The following NECAB2 variants were observed in gnomAD, a reference collection of about 807,000 sequenced individuals.
The protein encoded by NECAB2 is N-terminal EF-hand calcium binding protein 2, also known as N-terminal EF-hand calcium-binding protein 2.
A neutral mutation model predicts 51.9 loss-of-function variants in NECAB2; 68 were observed. The ratio of observed to expected loss-of-function variants is 1.31; its 90% CI spans 1.08 to 1.60. The LOEUF (loss-of-function observed/expected upper bound fraction) is 1.60, where lower values mean the gene tolerates loss of function less well. NECAB2 is among the 40% of genes most tolerant of loss of function. The probability of loss-of-function intolerance (pLI) is 0.00; values close to 1 mark genes in which losing one functional copy is unlikely to be tolerated. For missense variants in NECAB2, 854 were observed against 490.3 expected, an observed-to-expected ratio of 1.74 and a Z score of -7.00; for synonymous variants, 329 against 203.5, an observed-to-expected ratio of 1.62 and a Z score of -5.25.
chr16:83,997,629 A>G (rs984147662), intron 9 of NECAB2, among the ~76,000 whole-genome samples: 1 of 151,784 alleles, frequency 6.6e-6, no homozygotes, highest in Non-Finnish European at 1.5e-5. Context: ...CTGGGATTAC[A>G]GGTGTGTGCC....
At chr16:84,000,917 C>G (rs1243741417) in intron 11 of NECAB2, 116 bp downstream of exon 11, 3 of 987,904 alleles carry the variant, frequency 3.0e-6, no homozygotes, top group Admixed American at 2.0e-5. Context: ...TCAGCAGATT[C>G]CCGAGGCATC....
At chr16:83,975,846 C>G (rs551298562) in intron 2 of NECAB2, among the ~76,000 whole-genome samples, 2 of 152,162 alleles carry the variant, frequency 1.3e-5, no homozygotes, top group African/African-American at 4.8e-5. Context: ...GGGTCTCTGG[C>G]AAAAGTGCCA....
intron 10 of NECAB2, among the ~76,000 whole-genome samples, chr16:84,000,507 T>C (rs2084808255): frequency 6.6e-6 from 1 of 152,188 alleles, no homozygotes; most frequent in Non-Finnish European, 1.5e-5. Context: ...ACTGCATTGA[T>C]TCTATTTAAT....
chr16:83,998,435 C>G (rs2084752939), intron 10 of NECAB2, 118 bp downstream of exon 10: 10 of 921,868 alleles, frequency 1.1e-5, no homozygotes, highest in Non-Finnish European at 6.5e-6. Context: ...CAGGGACACA[C>G]ACAGCTGGAT....
intron 10 of NECAB2, among the ~76,000 whole-genome samples, chr16:84,000,174 T>G (rs2151102842): frequency 6.6e-6 from 1 of 152,304 alleles, no homozygotes; most frequent in South Asian, 2.1e-4. Flanking sequence ...AGTTCTGCGA[T>G]TACAGGCGTG....
At chr16:83,980,646 T>A (rs1197186722) in intron 3 of NECAB2, among the ~76,000 whole-genome samples, 193 bp from the exon 4 acceptor site, 1 of 151,672 alleles carries the variant, frequency 6.6e-6, no homozygotes, top group Non-Finnish European at 1.5e-5. Flanking sequence ...GTGTGGGGGA[T>A]CAGACAGACG....
At chr16:84,001,946 G>A (rs377357108) in intron 12 of NECAB2, 30 bp downstream of exon 12, 4 of 1,604,764 alleles carry the variant, frequency 2.5e-6, no homozygotes, top group Non-Finnish European at 3.4e-6. Context: ...AACTGCAGTG[G>A]CCACCTGACT....
At chr16:83,967,682 G>A (rs1181197659), upstream of NECAB2, among the ~76,000 whole-genome samples, 2 of 142,200 alleles carry the variant, frequency 1.4e-5, no homozygotes, top group East Asian at 4.3e-4. Flanking sequence ...ACAGACAGAT[G>A]GGCGGGCGGG....
chr16:83,965,881 C>A (rs776460476), upstream of NECAB2: 1 of 1,612,896 alleles, frequency 6.2e-7, no homozygotes, highest in South Asian at 1.1e-5. Flanking sequence ...CCTACCAGAG[C>A]ACCCGCCAGG....
chr16:83,997,357 C>T (rs2084722655), intron 9 of NECAB2, 88 bp downstream of exon 9: 1 of 1,530,334 alleles, frequency 6.5e-7, no homozygotes, highest in East Asian at 2.3e-5. Context: ...GCCCCTGACC[C>T]CGCTCTCCCT....
rs2084859180 is a variant in NECAB2, at chr16:84,002,520, GGCAGA to G, written c.*179_*183del. The G allele has an allele frequency of 2.5e-6, 2 of 813,384 alleles. No homozygotes were observed. 50.4% of individuals were successfully genotyped at this position (813,384 alleles called of 1,614,324 possible). A position where few individuals can be genotyped will look rare whatever the true frequency, so the allele number is the denominator to read the frequency against. On this transcript the variant is annotated 3_prime_UTR_variant, in exon 13 of 13. Transcript: ENST00000305202. ...GGCCGCCCCTGCCCCCACCTGAGAA[GGCAGA>G]GCAGTGTCTGTGCTGCCAGGTCCTG... is the stretch of plus-strand genomic sequence containing the variant.
At position 84,002,403 on chromosome 16, in the gene NECAB2, T is replaced by G. The variant is rs372507084; in HGVS notation, c.*57T>G. ...CAGCCCCTTCTTCTTGTGAAGGAAA[T>G]CCCGTTTTTTTCTAGACAGACACTT... is the stretch of plus-strand genomic sequence containing the variant. On this transcript the variant is annotated 3_prime_UTR_variant, in exon 13 of 13. Transcript: ENST00000305202. 3.2e-6 allele frequency: 5 copies of G among 1,552,618 alleles called. No homozygotes were observed. In the African/African-American group the frequency reaches 5.6e-5, roughly 17 times the overall value.
rs750060596 is a variant in NECAB2 at position 84,002,426 on chromosome 16, C to T, written c.*80C>T. The T allele has an allele frequency of 2.0e-6, 3 of 1,518,862 alleles. No individual in the cohort carries two copies. The highest frequency in any genetic ancestry group is 2.7e-6 in the Non-Finnish European group (3 of 1,096,276). 94.1% of individuals were successfully genotyped at this position (1,518,862 alleles called of 1,614,324 possible). A position where few individuals can be genotyped will look rare whatever the true frequency, so the allele number is the denominator to read the frequency against. On this transcript the variant is annotated 3_prime_UTR_variant, in exon 13 of 13. Transcript: ENST00000305202. ...AATCCCGTTTTTTTCTAGACAGACA[C>T]TTTGGTGCAGAAGCTTCTTTTCAAT...
rs150547119 is a variant in NECAB2, at chr16:83,981,077, C to G, written c.409C>G (p.Leu137Val). 1.4e-4 allele frequency: 219 copies of G among 1,614,012 alleles called. No individual in the cohort carries two copies. The highest frequency in any genetic ancestry group is 1.7e-4 in the Non-Finnish European group (205 of 1,180,018). Residue 137 changes from leucine (L) to valine (V), a missense_variant, in exon 5 of 13, where the codon CTG (leucine) becomes GTG (valine). By Grantham distance (32) the Leu-to-Val change is conservative. Coordinates refer to ENST00000305202, the MANE Select transcript of NECAB2 (RefSeq NM_019065.3). ...MGDYEDVLAS[L>V]ETLNHSVLKA... The stretch of plus-strand genomic sequence containing the variant: ...TGACTATGAGGATGTCCTGGCCTCC[C>G]TGGAGACCTTGAATCACTCTGTCCT...
Position 83,968,722 on chromosome 16 carries a change from G to A in NECAB2, c.74G>A (p.Arg25Gln), listed in dbSNP as rs1419106510. Reference sequence around the variant, plus strand: ...CTCCGGGAGCCGCCGCAGCAGGGCCGGGCGCTGGGCGGGCTGCTGCGCTGG... The same window carrying A: ...CTCCGGGAGCCGCCGCAGCAGGGCCAGGCGCTGGGCGGGCTGCTGCGCTGG... Reference protein sequence around the residue: ...RLLREPPQQGRALGGLLRWVG... With the variant: ...RLLREPPQQGQALGGLLRWVG... The change falls in exon 1 of 13, where the codon CGG (arginine) becomes CAG (glutamine). Residue 25 changes from arginine (R) to glutamine (Q), a missense_variant. Physicochemically the swap from Arg to Gln is conservative, Grantham distance 43. Coordinates refer to ENST00000305202, the MANE Select transcript of NECAB2 (RefSeq NM_019065.3). 2.9e-6 allele frequency: 3 copies of A among 1,025,772 alleles called. No homozygotes were observed. The highest frequency in any genetic ancestry group is 3.5e-6 in the Non-Finnish European group (3 of 858,486). The allele number at this position is 1,025,772 out of a possible 1,614,324, so 63.5% of individuals were successfully genotyped here. A position where few individuals can be genotyped will look rare whatever the true frequency, so the allele number is the denominator to read the frequency against.
chr16:83,992,367 C>T (rs890247722), intron 6 of NECAB2, among the ~76,000 whole-genome samples: 1 of 131,848 alleles, frequency 7.6e-6, no homozygotes, highest in Non-Finnish European at 1.5e-5. Flanking sequence ...CCGGGGAACA[C>T]GAGCACCCGT....
At chr16:84,000,919 C>A (rs149078072) in intron 11 of NECAB2, 118 bp downstream of exon 11, 2 of 979,648 alleles carry the variant, frequency 2.0e-6, no homozygotes, top group South Asian at 1.4e-5. Flanking sequence ...AGCAGATTCC[C>A]GAGGCATCTA....
upstream of NECAB2, chr16:83,965,428 A>C: frequency 1.3e-6 from 2 of 1,584,038 alleles, no homozygotes; most frequent in Admixed American, 3.4e-5. Flanking sequence ...CCCCGGCCTC[A>C]GACCCTGTCC....
At chr16:83,980,123 A>C (rs1253908031) in intron 3 of NECAB2, among the ~76,000 whole-genome samples, 1 of 152,170 alleles carries the variant, frequency 6.6e-6, no homozygotes, top group Non-Finnish European at 1.5e-5. Flanking sequence ...ACCTAGGCCC[A>C]GAAAGGGCCA....
Sources: gnomAD v4.1 joint callset for allele counts (sites outside exome capture counted in the v4.1 genomes callset) on GRCh38, gnomAD v4.1.1 for gene constraint, MANE v1.5 for transcripts, NCBI Gene and HGNC (gene_info 2026-07-23, HGNC 2026-07-21) for gene names.